SLIT3: variants seen among roughly 807,000 people sequenced by gnomAD.
The protein encoded by SLIT3 is slit guidance ligand 3.
SLIT3 carries 68 observed loss-of-function variants against 184.0 expected under a neutral mutation model. The ratio of observed to expected loss-of-function variants is 0.37; its 90% CI spans 0.30 to 0.45. The LOEUF is 0.45. SLIT3 is among the 20% of genes least tolerant of loss of function. The pLI, the probability that SLIT3 is intolerant of heterozygous loss-of-function variation, is 1.00. For missense variants in SLIT3, 1,707 were observed against 2,026.0 expected (o/e 0.84, Z 3.02); for synonymous variants, 831 against 828.6 (o/e 1.00, Z -0.05).
At chr5:168,936,413 T>C (rs1762160032) in intron 4 of SLIT3, among the ~76,000 whole-genome samples, 1 of 152,156 alleles carries the variant, frequency 6.6e-6, no homozygotes, top group Admixed American at 6.5e-5. Flanking sequence ...TTTTGTATTT[T>C]TAGTAGAGAC....
intron 6 of SLIT3, among the ~76,000 whole-genome samples, chr5:168,835,982 A>T (rs972956864): frequency 1.3e-5 from 2 of 152,110 alleles, no homozygotes; most frequent in African/African-American, 4.8e-5. Context: ...AATACCTTCA[A>T]AGATAGAAAA....
At chr5:168,875,673 G>T (rs190656138) in intron 5 of SLIT3, among the ~76,000 whole-genome samples, 79 of 149,748 alleles carry the variant, frequency 5.3e-4, no homozygotes, top group African/African-American at 1.9e-3. Context: ...GAAGGAGAAA[G>T]AGAAGAAAAA....
chr5:168,957,154 G>A (rs1487497585), intron 4 of SLIT3, among the ~76,000 whole-genome samples: 1 of 150,826 alleles, frequency 6.6e-6, no homozygotes, highest in African/African-American at 2.4e-5. Context: ...GCTGGAACCT[G>A]GGAGGCAGAG....
At position 169,300,793 on chromosome 5, in the gene SLIT3, G is replaced by A; in HGVS notation, c.-84C>T. 1 of 1,226,796 alleles carries A rather than the reference G, an allele frequency of 8.2e-7. No individual in the cohort carries two copies. Among genetic ancestry groups the A allele is most frequent in the Non-Finnish European group, 1.0e-6 (1 of 983,520 alleles). The allele number at this position is 1,226,796 out of a possible 1,614,324, so 76.0% of individuals were successfully genotyped here. A position where few individuals can be genotyped will look rare whatever the true frequency, so the allele number is the denominator to read the frequency against. ...CCGAGGAGGCGCGCGGGGAGCGCGG[G>A]CGGCCTGGGGAGCGGGCGGCGGAGT... On this transcript the variant is annotated 5_prime_UTR_variant, in exon 1 of 36. Transcript: ENST00000519560. The surrounding 1 kb of genome is among the most constrained non-coding windows in gnomAD (Gnocchi z 4.1).
intron 4 of SLIT3, among the ~76,000 whole-genome samples, chr5:168,973,853 T>G (rs1398274343): frequency 1.3e-5 from 2 of 152,190 alleles, no homozygotes; most frequent in Non-Finnish European, 2.9e-5. Context: ...ATTAGCTAAT[T>G]TCAATCCTGA....
At chr5:168,808,770 G>A (rs903216337) in intron 8 of SLIT3, among the ~76,000 whole-genome samples, 1 of 152,146 alleles carries the variant, frequency 6.6e-6, no homozygotes, top group African/African-American at 2.4e-5. Context: ...GGAATTCTAC[G>A]GTGTGAAAGG....
intron 4 of SLIT3, among the ~76,000 whole-genome samples, chr5:169,159,791 A>G (rs1160564989): frequency 6.6e-6 from 1 of 152,116 alleles, no homozygotes; most frequent in East Asian, 1.9e-4. Flanking sequence ...CAAACAAACA[A>G]AAAAAAGCAT....
intron 16 of SLIT3, among the ~76,000 whole-genome samples, chr5:168,755,577 G>A (rs112329431): frequency 1.1e-4 from 16 of 151,864 alleles, no homozygotes; most frequent in Middle Eastern, 3.4e-3. Context: ...TGGGATTACA[G>A]GTGCCTGCCA....
chr5:169,223,225 C>T (rs1764676832), intron 3 of SLIT3, among the ~76,000 whole-genome samples: 1 of 152,154 alleles, frequency 6.6e-6, no homozygotes, highest in Non-Finnish European at 1.5e-5. Flanking sequence ...TGACTTGTTG[C>T]CAAAACCAAG....
Position 169,300,661 on chromosome 5 carries a change from C to T in SLIT3, c.49G>A (p.Ala17Thr), listed in dbSNP as rs1298869426. Residue 17 changes from alanine to threonine, a missense_variant, in exon 1 of 36, where the codon GCG (alanine) becomes ACG (threonine). Around this residue, in one of 3 missense-constraint regions of SLIT3, gnomAD observed 1,307 missense variants for 1,511.6 expected, o/e 0.86. Coordinates refer to ENST00000519560, the MANE Select transcript of SLIT3 (RefSeq NM_003062.4). The surrounding 1 kb of genome is among the most constrained non-coding windows in gnomAD (Gnocchi z 4.1). ...GVGAAVRARL[A>T]LALALASVLS... ...ACGCTCGCCAGCGCCAAGGCCAGCGCCAGGCGGGCGCGCACGGCGGCGCCG... is the reference window on the plus strand; with the variant it reads ...ACGCTCGCCAGCGCCAAGGCCAGCGTCAGGCGGGCGCGCACGGCGGCGCCG... The T allele has an allele frequency of 7.0e-7, 1 of 1,430,300 alleles. No individual in the cohort carries two copies. The highest frequency in any genetic ancestry group is 1.4e-5 in the South Asian group (1 of 69,256). 88.6% of individuals were successfully genotyped at this position (1,430,300 alleles called of 1,614,324 possible).
At chr5:169,132,516 C>T (rs923830213) in intron 4 of SLIT3, among the ~76,000 whole-genome samples, 1 of 152,082 alleles carries the variant, frequency 6.6e-6, no homozygotes, top group African/African-American at 2.4e-5. Context: ...GCCTGGCACT[C>T]AAGGGAAAGG....
intron 4 of SLIT3, among the ~76,000 whole-genome samples, chr5:169,138,239 G>T (rs115589319): frequency 6.6e-6 from 1 of 152,146 alleles, no homozygotes; most frequent in African/African-American, 2.4e-5. Flanking sequence ...TCCCGTAAAC[G>T]CATGGGACTT....
At chr5:169,230,115 G>A (rs187566391) in intron 3 of SLIT3, among the ~76,000 whole-genome samples, 4 of 151,898 alleles carry the variant, frequency 2.6e-5, no homozygotes, top group Admixed American at 2.0e-4. Flanking sequence ...AGCTATACCT[G>A]TCAATCATTT....
intron 4 of SLIT3, among the ~76,000 whole-genome samples, chr5:169,123,941 C>T (rs1422848025): frequency 6.6e-6 from 1 of 152,162 alleles, no homozygotes; most frequent in African/African-American, 2.4e-5. Context: ...CTGAAATACA[C>T]CCAGGAAAGC....
At chr5:169,276,282 C>T (rs961853456) in intron 1 of SLIT3, among the ~76,000 whole-genome samples, 1 of 152,160 alleles carries the variant, frequency 6.6e-6, no homozygotes, top group South Asian at 2.1e-4. Flanking sequence ...AGCTGCGACT[C>T]TGCTCACAGC....
intron 3 of SLIT3, among the ~76,000 whole-genome samples, chr5:169,213,883 T>A (rs539150903): frequency 4.6e-5 from 7 of 152,238 alleles, no homozygotes; most frequent in Non-Finnish European, 8.8e-5. Flanking sequence ...ATAATAGTGA[T>A]GGCTTTGACA....
chr5:168,861,350 T>C (rs1335342515), intron 5 of SLIT3, among the ~76,000 whole-genome samples: 1 of 151,978 alleles, frequency 6.6e-6, no homozygotes, highest in Non-Finnish European at 1.5e-5. Flanking sequence ...GGTAAGTCTA[T>C]GACTCTTGGT....
intron 4 of SLIT3, among the ~76,000 whole-genome samples, chr5:168,953,395 A>G (rs952702246): frequency 5.3e-5 from 8 of 152,238 alleles, no homozygotes; most frequent in African/African-American, 1.7e-4. Context: ...ACTTAACAGC[A>G]TCTTAGCTAC....
At chr5:169,293,677 G>A (rs1464284817) in intron 1 of SLIT3, among the ~76,000 whole-genome samples, 1 of 152,140 alleles carries the variant, frequency 6.6e-6, no homozygotes, top group Non-Finnish European at 1.5e-5. Flanking sequence ...ACCGGGCTTT[G>A]GGCCCCAGAG....
Sources: allele counts gnomAD v4.1 joint callset (sites outside exome capture counted in the v4.1 genomes callset), GRCh38; gene constraint gnomAD v4.1.1; regional missense constraint gnomAD v4.1.1; non-coding constraint Gnocchi (gnomAD v3.1); transcripts MANE v1.5; gene names NCBI Gene and HGNC (gene_info 2026-07-23, HGNC 2026-07-21).